The following PCDHGB1 variants were observed in gnomAD, a reference collection of about 807,000 sequenced individuals.
PCDHGB1 encodes the protein protocadherin gamma-B1.
In PCDHGB1, 34 loss-of-function variants were observed where a neutral mutation model predicts 56.6. The observed-to-expected ratio is 0.60, with a 90% confidence interval of 0.46 to 0.80. The LOEUF is 0.80. PCDHGB1 is among the 30% of genes least tolerant of loss of function. The pLI, the probability that PCDHGB1 is intolerant of heterozygous loss-of-function variation, is 0.00. For missense variants in PCDHGB1, 1,278 were observed against 1,204.6 expected, an observed-to-expected ratio of 1.06 and a Z score of -0.90; for synonymous variants, 561 against 505.9, an observed-to-expected ratio of 1.11 and a Z score of -1.46.
intron 1 of PCDHGB1, chr5:141,475,974 A>G: frequency 1.0e-6 from 1 of 975,714 alleles, no homozygotes; most frequent in Non-Finnish European, 1.5e-6. Flanking sequence ...GCAGAGACTG[A>G]ACAGCCGGCG....
rs151293422 is a variant in PCDHGB1, at chr5:141,487,556, A to G, written c.2410-7251A>G. ...GATGGTGAAGTCACCCAGTGCACCT[A>G]TGGCAGGGGAGCCTGTTCGCCCAAG... On this transcript the variant is annotated intron_variant, in intron 1 of 3. Coordinates refer to ENST00000523390, the MANE Select transcript of PCDHGB1 (RefSeq NM_018922.3). This position sits in a 1 kb window ranked among gnomAD's most constrained non-coding sequence, Gnocchi z 5.0. 2,837 of 1,614,100 alleles carry G rather than the reference A, an allele frequency of 1.8e-3. 31 individuals are homozygous for G. The highest frequency in any genetic ancestry group is 1.2e-3 in the South Asian group (105 of 91,084).
chr5:141,393,465 G>A lies in PCDHGB1; in HGVS notation c.2409+40796G>A, dbSNP rs776962387. The stretch of plus-strand genomic sequence containing the variant: ...CCTGGTCCTCACGGCCTCGGATGGC[G>A]GCAAGCCGCCTCGCTCTAGCACAGT... On this transcript the variant is annotated intron_variant, in intron 1 of 3. Transcript: ENST00000523390. 23 of 1,614,048 alleles carry A rather than the reference G, an allele frequency of 1.4e-5. No homozygotes were observed. The East Asian group carries it at 5.1e-4, about 36-fold the overall frequency.
chr5:141,376,127 G>A (rs1331529697), intron 1 of PCDHGB1: 4 of 1,613,828 alleles, frequency 2.5e-6, no homozygotes, highest in East Asian at 2.2e-5. Flanking sequence ...CGAGCCCTCC[G>A]CCAAACCCAA....
chr5:141,381,698 C>A (rs1251060336), intron 1 of PCDHGB1, among the ~76,000 whole-genome samples: 1 of 152,046 alleles, frequency 6.6e-6, no homozygotes, highest in Non-Finnish European at 1.5e-5. Flanking sequence ...ACAACGATTT[C>A]TTTCTTTTTT....
At position 141,409,757 on chromosome 5, in the gene PCDHGB1, G is replaced by A; in HGVS notation, c.2409+57088G>A. The A allele has an allele frequency of 6.8e-6, 11 of 1,612,986 alleles. No individual in the cohort carries two copies. The highest frequency in any genetic ancestry group is 9.3e-6 in the Non-Finnish European group (11 of 1,179,838). ...GAGCGGGGTGGTGTTCGCGCAGCGCGCCTTTGATCACGAGCAGCTGCGCGC... is the reference window on the plus strand; with the variant it reads ...GAGCGGGGTGGTGTTCGCGCAGCGCACCTTTGATCACGAGCAGCTGCGCGC... On this transcript the variant is annotated intron_variant, in intron 1 of 3. Coordinates refer to ENST00000523390, the MANE Select transcript of PCDHGB1 (RefSeq NM_018922.3).
In PCDHGB1 at chr5:141,512,237, G is replaced by A. The variant is rs2099884134; in HGVS notation, c.*1064G>A. ...AGGACCAGGTCCCCTTGAGAGGTCA[G>A]AGGGGCCTCTGTGGGTGCTGGGTAC... On this transcript the variant is annotated 3_prime_UTR_variant, in exon 4 of 4. Transcript: ENST00000523390. 1 of 152,774 alleles carries A rather than the reference G, an allele frequency of 6.5e-6. No homozygotes were observed. The highest frequency in any genetic ancestry group is 1.5e-5 in the Non-Finnish European group (1 of 68,148). The allele number at this position is 152,774 out of a possible 1,614,324, so 9.5% of individuals were successfully genotyped here.
At position 141,352,507 on chromosome 5, in the gene PCDHGB1, T is replaced by A. The variant is rs1428856687; in HGVS notation, c.2247T>A (p.Asn749Lys). The A allele has an allele frequency of 6.2e-7, 1 of 1,614,016 alleles. No individual in the cohort carries two copies. The change falls in exon 1 of 4, where the codon AAT (asparagine) becomes AAA (lysine). Residue 749 changes from asparagine (N) to lysine (K), a missense_variant. Transcript: ENST00000523390. Reference sequence around the variant, plus strand: ...AGGGGACTTTGCCCTATTCCTACAATCTATGTATTGCCTCTCATTCTGCAA... The same window carrying A: ...AGGGGACTTTGCCCTATTCCTACAAACTATGTATTGCCTCTCATTCTGCAA... ...HSEGTLPYSYNLCIASHSAKT... is the reference protein window; with the variant it reads ...HSEGTLPYSYKLCIASHSAKT...
At chr5:141,364,658 G>C in intron 1 of PCDHGB1, 1 of 1,614,020 alleles carries the variant, frequency 6.2e-7, no homozygotes, top group Non-Finnish European at 8.5e-7. Context: ...TAACATCTTG[G>C]TTGAGAACAA....
intron 1 of PCDHGB1, chr5:141,372,050 G>A: frequency 6.2e-7 from 1 of 1,613,506 alleles, no homozygotes; most frequent in Non-Finnish European, 8.5e-7. Context: ...GCGTGTTGGT[G>A]GACGACCGCA....
At chr5:141,454,625 C>T (rs1193628253) in intron 1 of PCDHGB1, among the ~76,000 whole-genome samples, 2 of 151,512 alleles carry the variant, frequency 1.3e-5, no homozygotes, top group East Asian at 1.9e-4. Flanking sequence ...AGGCTGGTCT[C>T]GAACCCCCAA....
chr5:141,422,204 G>A lies in PCDHGB1; in HGVS notation c.2409+69535G>A, dbSNP rs185669562. On this transcript the variant is annotated intron_variant, in intron 1 of 3. Transcript: ENST00000523390. Reference sequence around the variant, plus strand: ...ATGGAAATTCAAGGCCAAGATGGTGGAGGTCTCTTTACCACCACGACGATG... The same window carrying A: ...ATGGAAATTCAAGGCCAAGATGGTGAAGGTCTCTTTACCACCACGACGATG... The A allele has an allele frequency of 1.7e-4, 269 of 1,562,138 alleles. No individual in the cohort carries two copies. The African/African-American group carries it at 3.6e-3, about 21-fold the overall frequency.
At position 141,404,149 on chromosome 5, in the gene PCDHGB1, A is replaced by G. The variant is rs758060942; in HGVS notation, c.2409+51480A>G. The G allele has an allele frequency of 3.1e-6, 5 of 1,612,750 alleles. No individual in the cohort carries two copies. In the African/African-American group the frequency reaches 5.3e-5, roughly 17 times the overall value. On this transcript the variant is annotated intron_variant, in intron 1 of 3. Transcript: ENST00000523390. Reference sequence around the variant, plus strand: ...CTTTTACATTAGAAAATTCAGAAGAAGATTATTACAGATTGTTGACGGCCC... The same window carrying G: ...CTTTTACATTAGAAAATTCAGAAGAGGATTATTACAGATTGTTGACGGCCC...
rs554670088 is a variant in PCDHGB1 at position 141,391,069 on chromosome 5, T to C, written c.2409+38400T>C. The C allele has an allele frequency of 4.1e-4, 63 of 152,324 alleles. 1 individual carries two copies. Among genetic ancestry groups the C allele is most frequent in the African/African-American group, 1.4e-3 (59 of 41,576 alleles). The allele number at this position is 152,324 out of a possible 1,614,324, so 9.4% of individuals were successfully genotyped here. A position where few individuals can be genotyped will look rare whatever the true frequency, so the allele number is the denominator to read the frequency against. ...GTCCCTCTCACACACAGCCCTAATA[T>C]ATAATGTGTAACTGCCTTATCTGCA... On this transcript the variant is annotated intron_variant, in intron 1 of 3. Transcript: ENST00000523390.
chr5:141,478,272 A>T, intron 1 of PCDHGB1: 7 of 1,614,160 alleles, frequency 4.3e-6, no homozygotes, highest in Non-Finnish European at 5.9e-6. Context: ...AAAGTTTACA[A>T]GTGGAAGCAG....
At chr5:141,404,472 T>C in intron 1 of PCDHGB1, 1 of 1,613,692 alleles carries the variant, frequency 6.2e-7, no homozygotes, top group Non-Finnish European at 8.5e-7. Context: ...TATGTCTCTA[T>C]TAACTCAGAC....
chr5:141,371,842 C>T (rs1768100584), intron 1 of PCDHGB1: 3 of 1,613,586 alleles, frequency 1.9e-6, no homozygotes, highest in African/African-American at 1.3e-5. Context: ...GACTTGGGAC[C>T]TAATGGCCTT....
At chr5:141,453,319 G>T (rs2098762311) in intron 1 of PCDHGB1, among the ~76,000 whole-genome samples, 1 of 151,492 alleles carries the variant, frequency 6.6e-6, no homozygotes, top group Admixed American at 6.6e-5. Flanking sequence ...TTATTTTAGA[G>T]ATGGGGTCTC....
At chr5:141,419,174 A>G (rs1283454889) in intron 1 of PCDHGB1, 1 of 1,613,840 alleles carries the variant, frequency 6.2e-7, no homozygotes, top group East Asian at 2.2e-5. Flanking sequence ...CAAAACCATA[A>G]CCCTGCACAT....
At position 141,350,396 on chromosome 5, in the gene PCDHGB1, G is replaced by T; in HGVS notation, c.136G>T (p.Gly46Trp). 1 of 1,599,342 alleles carries T rather than the reference G, an allele frequency of 6.3e-7. No individual in the cohort carries two copies. Among genetic ancestry groups the T allele is most frequent in the African/African-American group, 1.3e-5 (1 of 74,644 alleles). The change falls in exon 1 of 4, where the codon GGG (glycine) becomes TGG (tryptophan). Residue 46 changes from glycine (G) to tryptophan (W), a missense_variant. Physicochemically the swap from Gly to Trp is radical, Grantham distance 184. Transcript: ENST00000523390. Reference protein sequence around the residue: ...PEELANGSRVGKLAKDLGLSV... With the variant: ...PEELANGSRVWKLAKDLGLSV... ...GGAGCTAGCCAACGGCTCACGGGTG[G>T]GGAAACTTGCCAAGGATCTGGGGCT...
Sources: gnomAD v4.1 joint callset for allele counts (sites outside exome capture counted in the v4.1 genomes callset) on GRCh38, gnomAD v4.1.1 for gene constraint, Gnocchi (gnomAD v3.1) non-coding constraint, MANE v1.5 for transcripts, NCBI Gene and HGNC (gene_info 2026-07-23, HGNC 2026-07-21) for gene names.